The following PLEKHA4 variants were observed in gnomAD, a reference collection of about 807,000 sequenced individuals.
The protein encoded by PLEKHA4 is pleckstrin homology domain-containing family A member 4.
A neutral mutation model predicts 94.7 loss-of-function variants in PLEKHA4; 73 were observed. That is an observed-to-expected ratio of 0.77 (90% confidence interval 0.64 to 0.94). PLEKHA4 has a LOEUF of 0.94. Ranked by LOEUF, PLEKHA4 falls within the 40% of genes least tolerant of loss-of-function variation. The pLI, the probability that PLEKHA4 is intolerant of heterozygous loss-of-function variation, is 0.00. For synonymous variants in PLEKHA4, 449 were observed against 437.1 expected, an observed-to-expected ratio of 1.03 and a Z score of -0.34; for missense variants, 1,049 against 1,054.1, an observed-to-expected ratio of 1.00 and a Z score of 0.07.
chr19:48,857,812 G>C (rs2036483566), intron 8 of PLEKHA4, among the ~76,000 whole-genome samples: 1 of 150,810 alleles, frequency 6.6e-6, no homozygotes, highest in Non-Finnish European at 1.5e-5. Context: ...AGGAAAACCA[G>C]AGACCTTTGT....
chr19:48,857,976 G>A (rs889186839), intron 8 of PLEKHA4, among the ~76,000 whole-genome samples: 2 of 151,780 alleles, frequency 1.3e-5, no homozygotes, highest in African/African-American at 2.4e-5. Flanking sequence ...AAATAGTAGA[G>A]TGGGCATGTC....
Position 48,865,490 on chromosome 19 carries a change from C to A in PLEKHA4, c.192+13G>T, listed in dbSNP as rs2036797018. The A allele has an allele frequency of 6.2e-7, 1 of 1,606,808 alleles. No homozygotes were observed. The highest frequency in any genetic ancestry group is 8.5e-7 in the Non-Finnish European group (1 of 1,173,730). ...AGACTTCAGTGTCCTTTTCCTTCTC[C>A]TACTGACCCCACCTGCTTATGAAGC... On this transcript the variant is annotated intron_variant, in intron 3 of 19. Transcript: ENST00000263265.
Position 48,848,654 on chromosome 19 carries a change from G to A in PLEKHA4, c.1426-614C>T, listed in dbSNP as rs571054063. Among the ~76,000 whole-genome samples, 60 of 151,528 alleles carry A rather than the reference G, an allele frequency of 4.0e-4. No homozygotes were observed. In the South Asian group the frequency reaches 5.6e-3, roughly 14 times the overall value. On this transcript the variant is annotated intron_variant, in intron 13 of 19. Transcript: ENST00000263265. ...CTAAAAATACAAAAAAAAATTAGCCGGGGGTGGTGGTGCATGCCTGTGATC... is the reference window on the plus strand; with the variant it reads ...CTAAAAATACAAAAAAAAATTAGCCAGGGGTGGTGGTGCATGCCTGTGATC...
At chr19:48,865,928 G>A (rs1258788757) in intron 2 of PLEKHA4, among the ~76,000 whole-genome samples, 1 of 151,606 alleles carries the variant, frequency 6.6e-6, no homozygotes, top group African/African-American at 2.4e-5. Context: ...GCAGGAGAAT[G>A]GCGAGAACCC....
intron 7 of PLEKHA4, 102 bp downstream of exon 7, chr19:48,859,367 G>T: frequency 7.8e-7 from 1 of 1,287,906 alleles, no homozygotes; most frequent in Non-Finnish European, 1.1e-6. Context: ...GCCCCAGCAA[G>T]TCACACACAC....
rs753084227 is a variant in PLEKHA4, at chr19:48,838,133, GA to G, written c.1965-5del. ...GTAAGGGGTGGTGTTCCTTGGACTA[GA>G]AAAAAAAAGAAGATTGGGGGTGGGG... On this transcript the variant is annotated splice_polypyrimidine_tract_variant and splice_region_variant and intron_variant, in intron 18 of 19. Transcript: ENST00000263265. 2.4e-4 allele frequency: 296 copies of G among 1,245,004 alleles called. 1 individual carries two copies. Among genetic ancestry groups the G allele is most frequent in the Middle Eastern group, 4.3e-4 (2 of 4,664 alleles). 77.1% of individuals were successfully genotyped at this position (1,245,004 alleles called of 1,614,324 possible). A position where few individuals can be genotyped will look rare whatever the true frequency, so the allele number is the denominator to read the frequency against.
In PLEKHA4 at chr19:48,861,677, G is replaced by T. The variant is rs377738843; in HGVS notation, c.208C>A (p.Arg70Ser). The T allele has an allele frequency of 1.2e-6, 2 of 1,614,086 alleles. No homozygotes were observed. The highest frequency in any genetic ancestry group is 1.7e-6 in the Non-Finnish European group (2 of 1,179,952). ...ACGAACCAGCGGCGTTTCCAGAGAC[G>T]GAGCCCCGAGCTGTCCTGGGGAGAG... Reference protein sequence around the residue: ...WLHKQDSSGLRLWKRRWFVLS... With the variant: ...WLHKQDSSGLSLWKRRWFVLS... Residue 70 changes from arginine (R) to serine (S), a missense_variant, in exon 4 of 20, where the codon CGT becomes AGT. Transcript: ENST00000263265.
chr19:48,846,715 C>T (rs552943903), intron 14 of PLEKHA4, among the ~76,000 whole-genome samples: 3 of 152,208 alleles, frequency 2.0e-5, no homozygotes, highest in Middle Eastern at 6.8e-3. Flanking sequence ...TTCCAGTGAG[C>T]TGTGATGGCA....
rs368440392 is a variant in PLEKHA4, at chr19:48,837,318, G to A, written c.2311C>T (p.Arg771Ter). The change falls in exon 20 of 20, where the codon CGA (arginine) becomes TGA (stop). Residue 771 changes from arginine (R) to a stop codon, truncating the protein, a stop_gained. Coordinates refer to ENST00000263265, the MANE Select transcript of PLEKHA4 (RefSeq NM_020904.3). LOFTEE classifies it high-confidence loss of function. This position sits in a 1 kb window ranked among gnomAD's most constrained non-coding sequence, Gnocchi z 4.3. ...LPQDEGAWPL[R>*]VTLLQSSF ...AAGCTGGATTGTAGCAGAGTGACTCGCAGAGGCCATGCCCCCTCGTCTTGT... is the reference window on the plus strand; with the variant it reads ...AAGCTGGATTGTAGCAGAGTGACTCACAGAGGCCATGCCCCCTCGTCTTGT... 4 of 1,613,918 alleles carry A rather than the reference G, an allele frequency of 2.5e-6. No homozygotes were observed. The highest frequency in any genetic ancestry group is 2.5e-6 in the Non-Finnish European group (3 of 1,180,016).
rs560001044 is a variant in PLEKHA4 at position 48,838,875 on chromosome 19, C to T, written c.1964+330G>A. On this transcript the variant is annotated intron_variant, in intron 18 of 19. Transcript: ENST00000263265. ...TTTCTGGGAGTTGTAGTTCCTAGCACGTGTCTCTAAAATACGTTAAACATG... is the reference window on the plus strand; with the variant it reads ...TTTCTGGGAGTTGTAGTTCCTAGCATGTGTCTCTAAAATACGTTAAACATG... 1.1e-3 allele frequency among the ~76,000 whole-genome samples: 160 copies of T among 152,172 alleles called. 2 individuals are homozygous for T. The South Asian group carries it at 0.032, about 30-fold the overall frequency.
chr19:48,839,278 G>T lies in PLEKHA4; in HGVS notation c.1906-15C>A. On this transcript the variant is annotated splice_polypyrimidine_tract_variant and intron_variant, in intron 17 of 19. Coordinates refer to ENST00000263265, the MANE Select transcript of PLEKHA4 (RefSeq NM_020904.3). ...CCTACGACAGGCTGGAAAGGAATTGGGGCATTAGAACTCCTCACCTGGAAG... is the reference window on the plus strand; with the variant it reads ...CCTACGACAGGCTGGAAAGGAATTGTGGCATTAGAACTCCTCACCTGGAAG... 1 of 1,567,174 alleles carries T rather than the reference G, an allele frequency of 6.4e-7. No homozygotes were observed. Among genetic ancestry groups the T allele is most frequent in the Non-Finnish European group, 8.7e-7 (1 of 1,150,818 alleles).
chr19:48,855,702 T>C (rs908402965), intron 9 of PLEKHA4, among the ~76,000 whole-genome samples: 3 of 151,788 alleles, frequency 2.0e-5, no homozygotes, highest in Non-Finnish European at 4.4e-5. Flanking sequence ...GGTGGGAGTA[T>C]CGCTTGGGCC....
chr19:48,843,487 T>TC (rs1356655358), intron 16 of PLEKHA4, among the ~76,000 whole-genome samples: 1 of 145,878 alleles, frequency 6.9e-6, no homozygotes, highest in Non-Finnish European at 1.5e-5. Context: ...TCTTTTTTCT[T>TC]TTTTTTTTTT....
At chr19:48,858,534 G>A (rs2036508654) in intron 8 of PLEKHA4, among the ~76,000 whole-genome samples, 1 of 150,682 alleles carries the variant, frequency 6.6e-6, no homozygotes, top group Admixed American at 6.6e-5. Flanking sequence ...GGCTGAGGCA[G>A]GAGAATCGCT....
At position 48,854,216 on chromosome 19, in the gene PLEKHA4, C is replaced by T; in HGVS notation, c.1095+1G>A. 6.2e-7 allele frequency: 1 copy of T among 1,614,064 alleles called. No individual in the cohort carries two copies. Among genetic ancestry groups the T allele is most frequent in the African/African-American group, 1.3e-5 (1 of 75,040 alleles). On this transcript the variant is annotated splice_donor_variant, in intron 10 of 19. Transcript: ENST00000263265. LOFTEE classifies it high-confidence loss of function. The stretch of plus-strand genomic sequence containing the variant: ...CAAGGATTAGATCAGTGACAACTTA[C>T]ATCTGTCTCCAAGCTTTGGTGGAAA...
At position 48,845,566 on chromosome 19, in the gene PLEKHA4, G is replaced by A. The variant is rs768938383; in HGVS notation, c.1617C>T (p.Asp539=). The A allele has an allele frequency of 3.7e-6, 6 of 1,611,288 alleles. No homozygotes were observed. Among genetic ancestry groups the A allele is most frequent in the Non-Finnish European group, 5.1e-6 (6 of 1,178,172 alleles). The change falls in exon 15 of 20, where the codon GAC becomes GAT. Residue 539 remains aspartate, a synonymous_variant. Transcript: ENST00000263265. ...TGTCGCCTCCAGGAGGCCGCCCCCAGTCAGTCTCGGGGGACCTAGGGGAGC... is the reference window on the plus strand; with the variant it reads ...TGTCGCCTCCAGGAGGCCGCCCCCAATCAGTCTCGGGGGACCTAGGGGAGC... The part of the protein sequence containing the change: ...ELSSPRSPET[D]WGRPPGGDKD...
chr19:48,852,122 A>G (rs775336830), intron 13 of PLEKHA4, 106 bp downstream of exon 13: 17 of 832,308 alleles, frequency 2.0e-5, no homozygotes, highest in African/African-American at 8.4e-5. Flanking sequence ...CTAAGGGTCA[A>G]CTGGGCGGGG....
At chr19:48,854,333 C>T (rs965071605) in intron 9 of PLEKHA4, 69 bp from the exon 10 acceptor site, 62 of 1,377,482 alleles carry the variant, frequency 4.5e-5, no homozygotes, top group Middle Eastern at 3.6e-4. Flanking sequence ...CAGTGCTGAG[C>T]CACGCCCTGT....
Position 48,837,235 on chromosome 19 carries a change from C to A in PLEKHA4, c.*54G>T. 2 of 1,612,994 alleles carry A rather than the reference C, an allele frequency of 1.2e-6. No individual in the cohort carries two copies. The highest frequency in any genetic ancestry group is 1.1e-5 in the South Asian group (1 of 91,020). ...GCCCTGAGTGGTCCCAGATCTCCGG[C>A]GGTACCTCCAGACCACGTCCTCGCG... is the stretch of plus-strand genomic sequence containing the variant. On this transcript the variant is annotated 3_prime_UTR_variant, in exon 20 of 20. Coordinates refer to ENST00000263265, the MANE Select transcript of PLEKHA4 (RefSeq NM_020904.3). The surrounding 1 kb of genome is among the most constrained non-coding windows in gnomAD (Gnocchi z 4.3).
Sources: gnomAD v4.1 joint callset for allele counts (sites outside exome capture counted in the v4.1 genomes callset) on GRCh38, gnomAD v4.1.1 for gene constraint, Gnocchi (gnomAD v3.1) non-coding constraint, MANE v1.5 for transcripts, NCBI Gene and HGNC (gene_info 2026-07-23, HGNC 2026-07-21) for gene names.